PIK3CB: variants seen among roughly 807,000 people sequenced by gnomAD.
The protein encoded by PIK3CB is phosphatidylinositol-4,5-bisphosphate 3-kinase catalytic subunit beta, also known as phosphatidylinositol 4,5-bisphosphate 3-kinase catalytic subunit beta isoform.
In PIK3CB, 39 loss-of-function variants were observed where a neutral mutation model predicts 136.8. The observed-to-expected ratio is 0.29, with a 90% CI of 0.22 to 0.37. PIK3CB has a LOEUF of 0.37. Ranked by LOEUF, PIK3CB falls within the 10% of genes least tolerant of loss-of-function variation. The pLI is 1.00. For synonymous variants in PIK3CB, 428 were observed against 436.6 expected, an observed-to-expected ratio of 0.98 and a Z score of 0.25; for missense variants, 868 against 1,275.4, an observed-to-expected ratio of 0.68 and a Z score of 4.87.
intron 1 of PIK3CB, among the ~76,000 whole-genome samples, chr3:138,834,165 A>C (rs1934167075): frequency 2.0e-5 from 3 of 152,230 alleles, no homozygotes; most frequent in Non-Finnish European, 2.9e-5. Flanking sequence ...TGGTGTATGT[A>C]TTATTATTTC....
intron 1 of PIK3CB, among the ~76,000 whole-genome samples, chr3:138,821,215 C>T (rs1024614919): frequency 4.0e-5 from 6 of 150,928 alleles, no homozygotes; most frequent in South Asian, 2.1e-4. Flanking sequence ...ACCCGGGAGT[C>T]GGAAGTTGCA....
chr3:138,681,926 GA>G, intron 19 of PIK3CB, 40 bp downstream of exon 19: 1 of 1,213,136 alleles, frequency 8.2e-7, no homozygotes, highest in Non-Finnish European at 1.2e-6. Context: ...TTTGCTATGG[GA>G]AGACATTAGA....
intron 2 of PIK3CB, among the ~76,000 whole-genome samples, chr3:138,786,576 C>T (rs1383479375): frequency 6.6e-6 from 1 of 152,042 alleles, no homozygotes; most frequent in Non-Finnish European, 1.5e-5. Flanking sequence ...GAACTCCTCA[C>T]CTCAGGTCAT....
At chr3:138,669,227 C>T (rs2043477978) in intron 19 of PIK3CB, among the ~76,000 whole-genome samples, 1 of 148,578 alleles carries the variant, frequency 6.7e-6, no homozygotes, top group South Asian at 2.2e-4. Flanking sequence ...GCCTGGGCAA[C>T]ATGGTGAAAC....
chr3:138,775,924 G>A (rs1481925868), intron 2 of PIK3CB, among the ~76,000 whole-genome samples: 1 of 152,116 alleles, frequency 6.6e-6, no homozygotes, highest in Middle Eastern at 3.2e-3. Context: ...TTGGCCAGCC[G>A]CGGTGGCTCA....
At chr3:138,830,275 C>A (rs1933964639) in intron 1 of PIK3CB, among the ~76,000 whole-genome samples, 2 of 152,130 alleles carry the variant, frequency 1.3e-5, no homozygotes, top group African/African-American at 4.8e-5. Flanking sequence ...GGGGCCCAGG[C>A]GCGGTGGCTC....
intron 5 of PIK3CB, among the ~76,000 whole-genome samples, chr3:138,741,253 T>G (rs1360042742): frequency 6.6e-6 from 1 of 152,220 alleles, no homozygotes; most frequent in Non-Finnish European, 1.5e-5. Flanking sequence ...CAGAGACACC[T>G]GGATGAAATC....
intron 6 of PIK3CB, among the ~76,000 whole-genome samples, chr3:138,736,214 T>C (rs938269610): frequency 6.6e-6 from 1 of 152,180 alleles, no homozygotes. Context: ...TCTTATGGAC[T>C]AGAGTTCAAC....
intron 5 of PIK3CB, among the ~76,000 whole-genome samples, chr3:138,741,007 G>A (rs2045232572): frequency 6.6e-6 from 1 of 152,116 alleles, no homozygotes; most frequent in Non-Finnish European, 1.5e-5. Context: ...CTTGACCACG[G>A]AGAATTCCTT....
intron 14 of PIK3CB, 49 bp downstream of exon 14, chr3:138,694,737 C>A (rs903674286): frequency 6.3e-7 from 1 of 1,596,862 alleles, no homozygotes; most frequent in East Asian, 2.3e-5. Context: ...TCATCCCAAA[C>A]CCACCCAAGT....
chr3:138,702,634 A>T (rs867932456), intron 12 of PIK3CB, among the ~76,000 whole-genome samples: 2 of 152,328 alleles, frequency 1.3e-5, no homozygotes, highest in Middle Eastern at 3.4e-3. Flanking sequence ...CTTAAACTGT[A>T]ATTATCTGTT....
chr3:138,781,392 C>T (rs368043305), intron 2 of PIK3CB, among the ~76,000 whole-genome samples: 1 of 151,552 alleles, frequency 6.6e-6, no homozygotes, highest in Admixed American at 6.6e-5. Flanking sequence ...GGTAGGAGGG[C>T]GGCTTGAGCC....
intron 16 of PIK3CB, among the ~76,000 whole-genome samples, chr3:138,688,082 G>C (rs1357781237): frequency 1.3e-5 from 2 of 152,080 alleles, no homozygotes; most frequent in African/African-American, 2.4e-5. Flanking sequence ...ATCAGAAAAA[G>C]TTTTTAACAT....
At chr3:138,819,060 A>G (rs535192762) in intron 1 of PIK3CB, among the ~76,000 whole-genome samples, 1 of 152,302 alleles carries the variant, frequency 6.6e-6, no homozygotes, top group Non-Finnish European at 1.5e-5. Context: ...ATTAAACATC[A>G]CTACCGGGCC....
rs903009079 is a variant in PIK3CB, at chr3:138,697,724, G to A, written c.1770+1183C>T. 4.0e-5 allele frequency among the ~76,000 whole-genome samples: 6 copies of A among 151,708 alleles called. No individual in the cohort carries two copies. In the South Asian group the frequency reaches 6.2e-4, roughly 16 times the overall value. On this transcript the variant is annotated intron_variant, in intron 13 of 23. Transcript: ENST00000674063. ...CCCAAAGTGCTGGGATTACAGACAT[G>A]AGCCACAGACCCCAGCCATTTTATT...
Position 138,834,912 on chromosome 3 carries a change from A to G in PIK3CB, c.-339T>C, listed in dbSNP as rs1934203054. On this transcript the variant is annotated 5_prime_UTR_variant, in exon 1 of 24. Transcript: ENST00000674063. The stretch of plus-strand genomic sequence containing the variant: ...ACAGAGCACGCGCGCGCCGCCGCCG[A>G]ACCCGCGCCCGTGTGCGCGCGCGCC... The G allele has an allele frequency of 6.6e-6, 1 of 150,790 alleles. No homozygotes were observed. Among genetic ancestry groups the G allele is most frequent in the African/African-American group, 2.4e-5 (1 of 41,222 alleles). 9.3% of individuals were successfully genotyped at this position (150,790 alleles called of 1,614,324 possible).
chr3:138,712,755 C>T (rs1188607685), intron 9 of PIK3CB, among the ~76,000 whole-genome samples: 2 of 151,896 alleles, frequency 1.3e-5, no homozygotes, highest in African/African-American at 2.4e-5. Flanking sequence ...TTAGTGGAGA[C>T]GGGGTTTTGC....
chr3:138,759,701 A>C (rs1016394974), intron 2 of PIK3CB, among the ~76,000 whole-genome samples: 1 of 152,168 alleles, frequency 6.6e-6, no homozygotes, highest in Non-Finnish European at 1.5e-5. Context: ...AATTCAACAT[A>C]GATATTTGAC....
At chr3:138,691,726 G>A (rs1252829019) in intron 14 of PIK3CB, among the ~76,000 whole-genome samples, 2 of 152,088 alleles carry the variant, frequency 1.3e-5, no homozygotes, top group Non-Finnish European at 2.9e-5. Context: ...CCAGTCTCAG[G>A]TAATTCTTTA....
Sources: allele counts gnomAD v4.1 joint callset (sites outside exome capture counted in the v4.1 genomes callset), GRCh38; gene constraint gnomAD v4.1.1; transcripts MANE v1.5; gene names NCBI Gene and HGNC (gene_info 2026-07-23, HGNC 2026-07-21).